ACTR3C: variants seen among roughly 807,000 people sequenced by gnomAD.
The protein encoded by ACTR3C is actin related protein 3C.
ACTR3C carries 18 observed loss-of-function variants against 26.3 expected under a neutral mutation model. That is an observed-to-expected ratio of 0.68 (90% CI 0.47 to 1.01). ACTR3C has a LOEUF of 1.01. Ranked by LOEUF, ACTR3C falls within the 50% of genes least tolerant of loss-of-function variation. The pLI is 0.00. For missense variants in ACTR3C, 184 were observed against 250.7 expected, an observed-to-expected ratio of 0.73 and a Z score of 1.80; for synonymous variants, 55 against 94.5, an observed-to-expected ratio of 0.58 and a Z score of 2.42.
At chr7:149,948,876 G>A in the ACTR3C span, among the ~76,000 whole-genome samples, 1 of 151,970 alleles carries the variant, frequency 6.6e-6, no homozygotes, top group Non-Finnish European at 1.5e-5. Flanking sequence ...CCTGGGACAA[G>A]TGTGATCGGG....
At chr7:150,182,843 C>T in the ACTR3C span, among the ~76,000 whole-genome samples, 1 of 150,856 alleles carries the variant, frequency 6.6e-6, no homozygotes, top group Non-Finnish European at 1.5e-5. Context: ...TTATTCTAGG[C>T]ATAATGCTAA....
the ACTR3C span, among the ~76,000 whole-genome samples, chr7:149,970,795 A>T: frequency 1.3e-5 from 2 of 152,180 alleles, no homozygotes; most frequent in Non-Finnish European, 2.9e-5. Context: ...TTGAAATTTC[A>T]CCTTCAAGTC....
chr7:150,282,882 G>A lies in ACTR3C; in HGVS notation c.564+1871C>T, dbSNP rs188363762. Among the ~76,000 whole-genome samples, 432 of 148,516 alleles carry A rather than the reference G, an allele frequency of 2.9e-3. 34 individuals are homozygous for A. The highest frequency in any genetic ancestry group is 0.011 in the African/African-American group (402 of 38,054). ...CAAAAAGAAGAATCCTCTTCCCTCCGCATTTTACATAATTTTCAGTGTGAT... is the reference window on the plus strand; with the variant it reads ...CAAAAAGAAGAATCCTCTTCCCTCCACATTTTACATAATTTTCAGTGTGAT... On this transcript the variant is annotated intron_variant, in intron 6 of 7. Transcript: ENST00000683684.
the ACTR3C span, among the ~76,000 whole-genome samples, chr7:150,131,156 A>T: frequency 0.047 from 7,091 of 151,350 alleles, no homozygotes; most frequent in African/African-American, 0.16. Flanking sequence ...GACACAAAAA[A>T]GTATAGAAAA....
the ACTR3C span, among the ~76,000 whole-genome samples, chr7:150,165,506 G>A: frequency 3.3e-5 from 5 of 151,080 alleles, no homozygotes; most frequent in East Asian, 1.9e-4. Flanking sequence ...AGTTTTCCAC[G>A]TCCTCCAAAA....
chr7:150,032,993 G>A, the ACTR3C span, among the ~76,000 whole-genome samples: 1 of 152,166 alleles, frequency 6.6e-6, no homozygotes, highest in Non-Finnish European at 1.5e-5. Context: ...TCACAGAAGA[G>A]CGTAGCAGGG....
chr7:150,212,478 G>C, the ACTR3C span, among the ~76,000 whole-genome samples: 1 of 148,858 alleles, frequency 6.7e-6, no homozygotes, highest in African/African-American at 2.6e-5. Flanking sequence ...TATCCTGGAA[G>C]TCATAAAAGT....
At chr7:150,210,363 TCTTAGGTATTTACC>T in the ACTR3C span, among the ~76,000 whole-genome samples, 195 of 151,182 alleles carry the variant, frequency 1.3e-3, 1 homozygote, top group African/African-American at 4.6e-3. Flanking sequence ...GCTGTTCCAC[TCTTAGGTATTTACC>T]CTACCTAAGT....
chr7:149,906,902 T>C, the ACTR3C span, among the ~76,000 whole-genome samples: 2 of 22,030 alleles, frequency 9.1e-5, no homozygotes, highest in Non-Finnish European at 1.9e-4. Flanking sequence ...CACCACACAT[T>C]CTCCGCCTGA....
At chr7:150,154,231 A>G in the ACTR3C span, among the ~76,000 whole-genome samples, 1 of 152,088 alleles carries the variant, frequency 6.6e-6, no homozygotes, top group Non-Finnish European at 1.5e-5. Context: ...AATAATAATA[A>G]AAAAAATTTC....
At chr7:149,972,771 T>C in the ACTR3C span, among the ~76,000 whole-genome samples, 1 of 151,972 alleles carries the variant, frequency 6.6e-6, no homozygotes, top group Non-Finnish European at 1.5e-5. Context: ...AAACAAGAAC[T>C]AAGCAAGTGG....
At chr7:150,121,428 T>C in the ACTR3C span, among the ~76,000 whole-genome samples, 2 of 150,364 alleles carry the variant, frequency 1.3e-5, no homozygotes, top group African/African-American at 5.0e-5. Context: ...AGCATTCCTA[T>C]ACACCAATAA....
the ACTR3C span, among the ~76,000 whole-genome samples, chr7:150,094,064 C>T: frequency 1.3e-5 from 2 of 150,464 alleles, no homozygotes; most frequent in Non-Finnish European, 1.5e-5. Flanking sequence ...ACCAGCTGTC[C>T]GTGCAGAGCT....
At chr7:150,139,105 G>C in the ACTR3C span, among the ~76,000 whole-genome samples, 1 of 152,380 alleles carries the variant, frequency 6.6e-6, no homozygotes, top group South Asian at 2.1e-4. Flanking sequence ...AATGCAATGT[G>C]CTTGAATCAT....
chr7:150,037,816 A>G, the ACTR3C span, among the ~76,000 whole-genome samples: 197 of 30,926 alleles, frequency 6.4e-3, 4 homozygotes, highest in South Asian at 0.026. Flanking sequence ...GGGAAGAGGG[A>G]CTGGCACTCA....
chr7:150,043,051 C>T, the ACTR3C span, among the ~76,000 whole-genome samples: 2 of 151,784 alleles, frequency 1.3e-5, no homozygotes, highest in Non-Finnish European at 2.9e-5. Context: ...GTCTACAAAA[C>T]CCCACAGCTC....
At chr7:150,306,778 A>G (rs957533840) in intron 1 of ACTR3C, among the ~76,000 whole-genome samples, 4 of 152,262 alleles carry the variant, frequency 2.6e-5, no homozygotes, top group East Asian at 1.9e-4. Flanking sequence ...CTTCTTGTAC[A>G]TATGTGTGAT....
downstream of ACTR3C, among the ~76,000 whole-genome samples, chr7:150,240,607 G>C (rs189833784): frequency 7.9e-4 from 120 of 152,142 alleles, no homozygotes; most frequent in Non-Finnish European, 1.6e-4. Flanking sequence ...ATAGAGGTGG[G>C]AAAAGAGTGG....
At chr7:149,949,538 C>T in the ACTR3C span, among the ~76,000 whole-genome samples, 1,090 of 147,914 alleles carry the variant, frequency 7.4e-3, 29 homozygotes, top group South Asian at 0.01. Context: ...CTTATGTTCA[C>T]GCATGTATTC....
Sources: allele counts gnomAD v4.1 joint callset (sites outside exome capture counted in the v4.1 genomes callset), GRCh38; gene constraint gnomAD v4.1.1; transcripts MANE v1.5; gene names NCBI Gene and HGNC (gene_info 2026-07-23, HGNC 2026-07-21).